Variants in BSCL2 observed in about 807,000 individuals in gnomAD.
BSCL2 encodes BSCL2 lipid droplet biogenesis associated, seipin, also known as seipin.
A neutral mutation model predicts 57.4 loss-of-function variants in BSCL2; 41 were observed. The ratio of observed to expected loss-of-function variants is 0.71; its 90% CI spans 0.56 to 0.93. The LOEUF is 0.93. Among genes scored for constraint, BSCL2 ranks in the 40% least tolerant of loss-of-function variants. BSCL2 has a pLI of 0.00. For missense variants in BSCL2, 539 were observed against 586.7 expected, an observed-to-expected ratio of 0.92 and a Z score of 0.84; for synonymous variants, 237 against 227.3, an observed-to-expected ratio of 1.04 and a Z score of -0.38.
At chr11:62,694,878 C>G (rs1469132571) in intron 3 of BSCL2, among the ~76,000 whole-genome samples, 167 bp from the exon 4 acceptor site, 1 of 152,184 alleles carries the variant, frequency 6.6e-6, no homozygotes, top group Non-Finnish European at 1.5e-5. Context: ...GGTGCTGCCC[C>G]CTTCTGGTGG....
At chr11:62,708,480 C>T (rs1384567074), upstream of BSCL2, 3 of 1,228,906 alleles carry the variant, frequency 2.4e-6, no homozygotes, top group Admixed American at 5.2e-5. Context: ...GAGATGCGTT[C>T]TTTCCTTCAC....
At chr11:62,704,497 C>CA (rs1945754976) in intron 2 of BSCL2, among the ~76,000 whole-genome samples, 4 of 151,632 alleles carry the variant, frequency 2.6e-5, no homozygotes, top group African/African-American at 7.3e-5. Flanking sequence ...AGTGAGCCGA[C>CA]ATGGCACCAC....
chr11:62,695,619 G>A (rs1414473652), intron 3 of BSCL2, among the ~76,000 whole-genome samples: 2 of 150,546 alleles, frequency 1.3e-5, no homozygotes, highest in African/African-American at 4.9e-5. Flanking sequence ...GCTGAGGCAG[G>A]AGAATCGCTT....
At chr11:62,694,738 A>G in intron 3 of BSCL2, 27 bp from the exon 4 acceptor site, 1 of 1,611,036 alleles carries the variant, frequency 6.2e-7, no homozygotes, top group Non-Finnish European at 8.5e-7. Context: ...CCATTTCTTT[A>G]AAAAAATTTT....
chr11:62,707,150 CTT>C lies in BSCL2; in HGVS notation c.44_45del (p.Lys15ArgfsTer34), dbSNP rs2083554944. On this transcript the variant is annotated frameshift_variant, in exon 1 of 11. Coordinates refer to ENST00000360796, the MANE Select transcript of BSCL2 (RefSeq NM_001122955.4). LOFTEE classifies it high-confidence loss of function. ...KVDQKEEAGE[K>X]EVCGDQIKGP... ...CCTTTGATCTGGTCTCCGCACACCT[CTT>C]TTTCCCCAGCTTCCTCCTTTTGGTC... is the stretch of plus-strand genomic sequence containing the variant. The C allele has an allele frequency of 6.4e-7, 1 of 1,554,742 alleles. No individual in the cohort carries two copies. The highest frequency in any genetic ancestry group is 8.7e-7 in the Non-Finnish European group (1 of 1,147,874).
chr11:62,708,225 T>G, upstream of BSCL2: 1 of 948,404 alleles, frequency 1.1e-6, no homozygotes, highest in Non-Finnish European at 1.7e-6. Context: ...TTGTAAAGGT[T>G]GGTGTGGAGT....
At chr11:62,708,747 CCT>C (rs1348935834), upstream of BSCL2, 2 of 1,614,088 alleles carry the variant, frequency 1.2e-6, no homozygotes, top group Non-Finnish European at 1.7e-6. Flanking sequence ...CCTCATCACC[CCT>C]GTGCCCACTT....
chr11:62,696,260 A>T (rs1313371680), intron 3 of BSCL2, among the ~76,000 whole-genome samples: 1 of 140,778 alleles, frequency 7.1e-6, no homozygotes, highest in Non-Finnish European at 1.6e-5. Flanking sequence ...TGATTAAGCC[A>T]GTTGCTTCAT....
chr11:62,708,394 G>A (rs764339046), upstream of BSCL2: 1 of 1,606,800 alleles, frequency 6.2e-7, no homozygotes, highest in South Asian at 1.1e-5. Flanking sequence ...GTCGGATAAA[G>A]GTAGGTGGGA....
chr11:62,707,250 A>ATCC lies in BSCL2; in HGVS notation c.-56_-55insGGA. The ATCC allele has an allele frequency of 6.7e-7, 1 of 1,483,758 alleles. No homozygotes were observed. The highest frequency in any genetic ancestry group is 9.2e-7 in the Non-Finnish European group (1 of 1,084,920). 91.9% of individuals were successfully genotyped at this position (1,483,758 alleles called of 1,614,324 possible). The stretch of plus-strand genomic sequence containing the variant: ...TCTTCCACTGAGTCACTTGTGGCTA[A>ATCC]AACGTGAAGTGGCGATCCAGACGCT... On this transcript the variant is annotated 5_prime_UTR_variant, in exon 1 of 11. Transcript: ENST00000360796.
chr11:62,704,076 G>A (rs1335390262), intron 2 of BSCL2, among the ~76,000 whole-genome samples: 2 of 150,334 alleles, frequency 1.3e-5, no homozygotes, highest in African/African-American at 4.9e-5. Flanking sequence ...AGTGAGCTGA[G>A]ATTGCGCCAC....
rs1445255684 is a variant in BSCL2, at chr11:62,705,601, G to C, written c.104C>G (p.Ala35Gly). The C allele has an allele frequency of 6.5e-7, 1 of 1,542,666 alleles. No individual in the cohort carries two copies. The highest frequency in any genetic ancestry group is 8.8e-7 in the Non-Finnish European group (1 of 1,140,356). Reference protein sequence around the residue: ...PDKEEEPPAAASHGQGWRPGG... With the variant: ...PDKEEEPPAAGSHGQGWRPGG... ...TGGACGCCACCCCTGGCCATGGGAT[G>C]CAGCAGCTGGTGGTTCCTGGAAAGA... Residue 35 changes from alanine (A) to glycine (G), a missense_variant, in exon 2 of 11, where the codon GCA becomes GGA. By Grantham distance (60) the Ala-to-Gly change is moderately conservative (BLOSUM62 0). Coordinates refer to ENST00000360796, the MANE Select transcript of BSCL2 (RefSeq NM_001122955.4).
At chr11:62,707,502 G>T (rs1040322115), upstream of BSCL2, 1 of 637,612 alleles carries the variant, frequency 1.6e-6, no homozygotes, top group Non-Finnish European at 2.8e-6. Flanking sequence ...TTGAGAGGGG[G>T]AGTCGGCCTT....
At chr11:62,692,206 T>C (rs1212869733) in intron 6 of BSCL2, among the ~76,000 whole-genome samples, 170 bp downstream of exon 6, 1 of 152,066 alleles carries the variant, frequency 6.6e-6, no homozygotes, top group African/African-American at 2.4e-5. Flanking sequence ...TAGATAAAAG[T>C]TCCCCAGGGA....
upstream of BSCL2, chr11:62,707,838 C>T: frequency 4.0e-6 from 1 of 252,032 alleles, no homozygotes; most frequent in South Asian, 5.2e-5. Flanking sequence ...CTGGGTGGGG[C>T]ACCCATTTCA....
intron 2 of BSCL2, 96 bp from the exon 3 acceptor site, chr11:62,702,645 C>A: frequency 1.0e-6 from 1 of 992,316 alleles, no homozygotes; most frequent in Non-Finnish European, 1.6e-6. Context: ...TGCCCTCCTC[C>A]CTTCTCTCAG....
upstream of BSCL2, chr11:62,708,895 T>C (rs962681633): frequency 9.4e-5 from 91 of 967,474 alleles, no homozygotes; most frequent in Middle Eastern, 2.2e-4. Context: ...CTTAGGCTCC[T>C]TGCATCCCAT....
upstream of BSCL2, chr11:62,708,024 G>C (rs1038503305): frequency 2.1e-6 from 1 of 484,102 alleles, no homozygotes; most frequent in African/African-American, 1.9e-5. Context: ...AACACACATG[G>C]TTTGAAGGGC....
intron 1 of BSCL2, chr11:62,706,502 G>C (rs2083541285): frequency 9.6e-6 from 4 of 415,838 alleles, no homozygotes; most frequent in Non-Finnish European, 1.9e-5. Context: ...TGACCAAAGG[G>C]GAAAGACGCC....
Sources: gnomAD v4.1 joint callset for allele counts (sites outside exome capture counted in the v4.1 genomes callset) on GRCh38, gnomAD v4.1.1 for gene constraint, MANE v1.5 for transcripts, NCBI Gene and HGNC (gene_info 2026-07-23, HGNC 2026-07-21) for gene names.